Variants in PLXDC2 observed in about 807,000 individuals in gnomAD.
The protein encoded by PLXDC2 is plexin domain-containing protein 2.
Under a neutral mutation model 68.9 loss-of-function variants are expected in PLXDC2, and 40 were observed. The ratio of observed to expected loss-of-function variants is 0.58; its 90% CI spans 0.45 to 0.76. The LOEUF (loss-of-function observed/expected upper bound fraction) is 0.76. PLXDC2 is among the 30% of genes least tolerant of loss of function. The pLI, the probability that PLXDC2 is intolerant of heterozygous loss-of-function variation, is 0.00. For synonymous variants in PLXDC2, 243 were observed against 234.2 expected (o/e 1.04, Z -0.34); for missense variants, 644 against 661.9 (o/e 0.97, Z 0.30).
chr10:20,098,679 A>G (rs2131737083), intron 4 of PLXDC2, among the ~76,000 whole-genome samples: 1 of 152,258 alleles, frequency 6.6e-6, no homozygotes, highest in East Asian at 1.9e-4. Context: ...TCAAGATGGC[A>G]TTGCTCCCAT....
At chr10:20,104,088 A>C (rs1248620616) in intron 4 of PLXDC2, among the ~76,000 whole-genome samples, 1 of 152,226 alleles carries the variant, frequency 6.6e-6, no homozygotes, top group Non-Finnish European at 1.5e-5. Context: ...GATAAGAAGT[A>C]AAGTCATTAG....
intron 12 of PLXDC2, among the ~76,000 whole-genome samples, chr10:20,238,539 C>G (rs1330690405): frequency 1.3e-5 from 2 of 150,222 alleles, no homozygotes; most frequent in East Asian, 4.0e-4. Flanking sequence ...CCCAGCTACT[C>G]AGGAGGCTGA....
chr10:20,237,137 T>C (rs1835443790), intron 12 of PLXDC2, among the ~76,000 whole-genome samples: 1 of 152,128 alleles, frequency 6.6e-6, no homozygotes, highest in Non-Finnish European at 1.5e-5. Context: ...CAGATATTGG[T>C]CTCACCATAC....
At chr10:20,088,586 C>T (rs1833232405) in intron 4 of PLXDC2, among the ~76,000 whole-genome samples, 1 of 152,142 alleles carries the variant, frequency 6.6e-6, no homozygotes, top group Non-Finnish European at 1.5e-5. Context: ...AAACACCACC[C>T]ATAGGAAACT....
chr10:20,137,621 C>A (rs1272426894), intron 4 of PLXDC2, among the ~76,000 whole-genome samples: 1 of 152,218 alleles, frequency 6.6e-6, no homozygotes, highest in African/African-American at 2.4e-5. Context: ...CAGAACAGGT[C>A]TTTTCTTCCT....
At chr10:19,929,719 C>T (rs1351439638) in intron 1 of PLXDC2, among the ~76,000 whole-genome samples, 1 of 152,160 alleles carries the variant, frequency 6.6e-6, no homozygotes, top group South Asian at 2.1e-4. Flanking sequence ...GCGTTTCCAT[C>T]CAGGCACTCT....
chr10:20,002,894 G>A (rs1393210775), intron 2 of PLXDC2, among the ~76,000 whole-genome samples: 1 of 152,128 alleles, frequency 6.6e-6, no homozygotes, highest in African/African-American at 2.4e-5. Context: ...GCTTGGGGCC[G>A]AGAAGTTTTC....
chr10:20,077,940 C>G (rs895948696), intron 4 of PLXDC2, among the ~76,000 whole-genome samples: 3 of 152,060 alleles, frequency 2.0e-5, no homozygotes, highest in East Asian at 1.9e-4. Context: ...TCCTTCTCCC[C>G]TTCTTTTTCT....
intron 4 of PLXDC2, among the ~76,000 whole-genome samples, chr10:20,079,310 AGC>A (rs1172321574): frequency 6.6e-6 from 1 of 152,232 alleles, no homozygotes; most frequent in East Asian, 1.9e-4. Context: ...ATGAGATACC[AGC>A]TCATGCTGGT....
At chr10:20,013,244 G>A (rs1429785764) in intron 2 of PLXDC2, among the ~76,000 whole-genome samples, 1 of 152,068 alleles carries the variant, frequency 6.6e-6, no homozygotes, top group South Asian at 2.1e-4. Context: ...TGAATTCACA[G>A]TGTGGTTCCC....
chr10:20,037,753 C>A (rs1589598954), intron 2 of PLXDC2, among the ~76,000 whole-genome samples: 1 of 152,208 alleles, frequency 6.6e-6, no homozygotes, highest in East Asian at 1.9e-4. Flanking sequence ...GCTTTCATGG[C>A]CATATAGCTC....
At chr10:20,161,153 A>T (rs1414355565) in intron 6 of PLXDC2, among the ~76,000 whole-genome samples, 4 of 152,064 alleles carry the variant, frequency 2.6e-5, no homozygotes, top group Non-Finnish European at 5.9e-5. Flanking sequence ...GTAGTGGCTT[A>T]AAACAACTCC....
intron 4 of PLXDC2, among the ~76,000 whole-genome samples, chr10:20,119,678 A>G (rs3106825): frequency 0.61 from 92,826 of 151,534 alleles, 31,198 homozygotes; most frequent in Non-Finnish European, 0.76. Flanking sequence ...AAATTTTGGG[A>G]GATGGTATGG....
intron 12 of PLXDC2, among the ~76,000 whole-genome samples, chr10:20,230,242 A>G (rs1014922454): frequency 6.6e-6 from 1 of 152,238 alleles, no homozygotes; most frequent in African/African-American, 2.4e-5. Context: ...AAAATACTTC[A>G]AGGTAAAATT....
At chr10:20,014,305 CTCG>C in intron 2 of PLXDC2, among the ~76,000 whole-genome samples, 1 of 132,374 alleles carries the variant, frequency 7.6e-6, no homozygotes, top group African/African-American at 2.9e-5. Context: ...CCTTCCTTCC[CTCG>C]CCCCACTTTC....
chr10:20,125,792 G>A (rs1247651531), intron 4 of PLXDC2, among the ~76,000 whole-genome samples: 2 of 151,972 alleles, frequency 1.3e-5, no homozygotes, highest in Non-Finnish European at 2.9e-5. Context: ...AAAGGGATTA[G>A]TTTTAGCCTC....
chr10:19,894,859 G>C (rs1838029637), intron 1 of PLXDC2, among the ~76,000 whole-genome samples: 1 of 152,176 alleles, frequency 6.6e-6, no homozygotes, highest in Non-Finnish European at 1.5e-5. Context: ...CATTGTGGAA[G>C]ATAGTGTGGC....
At chr10:20,156,281 A>C (rs188559720) in intron 6 of PLXDC2, among the ~76,000 whole-genome samples, 1 of 152,214 alleles carries the variant, frequency 6.6e-6, no homozygotes, top group Admixed American at 6.5e-5. Flanking sequence ...TTCCAATTCA[A>C]TGTGAGCAGT....
chr10:20,234,252 A>C (rs1430921876), intron 12 of PLXDC2, among the ~76,000 whole-genome samples: 1 of 152,224 alleles, frequency 6.6e-6, no homozygotes, highest in African/African-American at 2.4e-5. Context: ...CCCACACAGC[A>C]GAGTCTGTTT....
Sources: gnomAD v4.1 joint callset for allele counts (sites outside exome capture counted in the v4.1 genomes callset) on GRCh38, gnomAD v4.1.1 for gene constraint, MANE v1.5 for transcripts, NCBI Gene and HGNC (gene_info 2026-07-23, HGNC 2026-07-21) for gene names.